The following LCLAT1 variants were observed in gnomAD, a reference collection of about 807,000 sequenced individuals.
LCLAT1 encodes the protein lysocardiolipin acyltransferase 1, also known as 1-AGP acyltransferase 8.
A neutral mutation model predicts 30.7 loss-of-function variants in LCLAT1; 11 were observed. The observed-to-expected ratio is 0.36, with a 90% confidence interval of 0.23 to 0.59. The LOEUF (loss-of-function observed/expected upper bound fraction) is 0.59. Ranked by LOEUF, LCLAT1 falls within the 20% of genes least tolerant of loss-of-function variation. The probability of loss-of-function intolerance (pLI) is 0.77; values close to 1 mark genes in which losing one functional copy is unlikely to be tolerated. For missense variants in LCLAT1, 402 were observed against 458.6 expected (o/e 0.88, Z 1.13); for synonymous variants, 155 against 151.3 (o/e 1.02, Z -0.18).
At position 30,641,191 on chromosome 2, in the gene LCLAT1, A is replaced by G. The variant is rs1226921620; in HGVS notation, c.*572A>G. Reference sequence around the variant, plus strand: ...GACAGGAAGCCCTTCATTATTCATAACATTGTATGCTGACCAAGACGTCAG... The same window carrying G: ...GACAGGAAGCCCTTCATTATTCATAGCATTGTATGCTGACCAAGACGTCAG... On this transcript the variant is annotated 3_prime_UTR_variant, in exon 6 of 6. Coordinates refer to ENST00000379509, the MANE Select transcript of LCLAT1 (RefSeq NM_001002257.3). 1 of 152,584 alleles carries G rather than the reference A, an allele frequency of 6.6e-6. No homozygotes were observed. Among genetic ancestry groups the G allele is most frequent in the Admixed American group, 6.5e-5 (1 of 15,284 alleles). The allele number at this position is 152,584 out of a possible 1,614,324, so 9.5% of individuals were successfully genotyped here.
intron 1 of LCLAT1, among the ~76,000 whole-genome samples, chr2:30,516,972 C>T (rs113720532): frequency 0.012 from 1,870 of 152,252 alleles, 30 homozygotes; most frequent in African/African-American, 0.042. Flanking sequence ...AAGCTGAGGG[C>T]CGACTAGAAG....
In LCLAT1 at chr2:30,522,891, G is replaced by A. The variant is rs536491036; in HGVS notation, c.-4-2696G>A. Among the ~76,000 whole-genome samples, 5 of 152,332 alleles carry A rather than the reference G, an allele frequency of 3.3e-5. No homozygotes were observed. The South Asian group carries it at 1.0e-3, about 32-fold the overall frequency. ...TTTGATGCTACTAATTTGTTGTGTGGATTTAGGAAAGTCTTCTTAACTCTC... is the reference window on the plus strand; with the variant it reads ...TTTGATGCTACTAATTTGTTGTGTGAATTTAGGAAAGTCTTCTTAACTCTC... On this transcript the variant is annotated intron_variant, in intron 1 of 5. Transcript: ENST00000379509.
At chr2:30,532,405 C>G (rs1215640321) in intron 2 of LCLAT1, among the ~76,000 whole-genome samples, 2 of 152,002 alleles carry the variant, frequency 1.3e-5, no homozygotes, top group Non-Finnish European at 2.9e-5. Context: ...ATTGAGAATT[C>G]AAAGAAGAGT....
intron 3 of LCLAT1, among the ~76,000 whole-genome samples, chr2:30,560,990 G>A (rs1047478212): frequency 6.6e-5 from 10 of 150,912 alleles, no homozygotes; most frequent in African/African-American, 2.4e-4. Context: ...TGCCCAGGCT[G>A]GAGTGCAATG....
intron 5 of LCLAT1, among the ~76,000 whole-genome samples, chr2:30,619,535 T>A (rs1265226913): frequency 2.0e-5 from 3 of 152,232 alleles, no homozygotes; most frequent in Non-Finnish European, 1.5e-5. Flanking sequence ...GATACTTTAC[T>A]CATGCACCTA....
chr2:30,547,184 T>G (rs1415933904), intron 3 of LCLAT1, among the ~76,000 whole-genome samples: 4 of 152,186 alleles, frequency 2.6e-5, no homozygotes, highest in Non-Finnish European at 5.9e-5. Flanking sequence ...AAGCTCCACC[T>G]GTGACTCTTT....
intron 5 of LCLAT1, among the ~76,000 whole-genome samples, chr2:30,609,175 T>A (rs1001194337): frequency 2.6e-5 from 4 of 152,160 alleles, no homozygotes; most frequent in Admixed American, 2.6e-4. Context: ...CTAGATATAA[T>A]CCCTTGTTGA....
intron 3 of LCLAT1, among the ~76,000 whole-genome samples, chr2:30,536,272 A>C (rs1225468633): frequency 6.6e-6 from 1 of 152,204 alleles, no homozygotes; most frequent in Non-Finnish European, 1.5e-5. Context: ...TAATATGGAC[A>C]TCCAGATACA....
chr2:30,589,526 T>C (rs938028732), intron 5 of LCLAT1, among the ~76,000 whole-genome samples: 4 of 152,038 alleles, frequency 2.6e-5, no homozygotes, highest in Admixed American at 2.0e-4. Context: ...GACACTTGCC[T>C]ACTGAAAATG....
chr2:30,588,560 T>A (rs1666544157), intron 5 of LCLAT1, among the ~76,000 whole-genome samples: 1 of 152,142 alleles, frequency 6.6e-6, no homozygotes, highest in Non-Finnish European at 1.5e-5. Context: ...CTTAGTTTTG[T>A]TTTTGTTATT....
chr2:30,541,669 T>C (rs1051557012), intron 3 of LCLAT1, among the ~76,000 whole-genome samples: 2 of 152,232 alleles, frequency 1.3e-5, no homozygotes, highest in Admixed American at 6.5e-5. Context: ...ATGTATTACT[T>C]ACATTCAATA....
At chr2:30,482,500 G>A (rs956036660) in intron 1 of LCLAT1, among the ~76,000 whole-genome samples, 6 of 152,118 alleles carry the variant, frequency 3.9e-5, no homozygotes, top group African/African-American at 1.2e-4. Flanking sequence ...AAGTTAATAC[G>A]TAACTTCCTT....
chr2:30,563,932 G>T (rs969202335), intron 4 of LCLAT1, among the ~76,000 whole-genome samples: 4 of 152,154 alleles, frequency 2.6e-5, no homozygotes, highest in African/African-American at 9.7e-5. Flanking sequence ...TAAATGAACG[G>T]TGGCACTTTT....
At chr2:30,556,307 C>T (rs1219738882) in intron 3 of LCLAT1, among the ~76,000 whole-genome samples, 5 of 152,062 alleles carry the variant, frequency 3.3e-5, no homozygotes, top group Non-Finnish European at 7.3e-5. Flanking sequence ...ATAAAACATT[C>T]TTCTTGTGGG....
chr2:30,495,606 G>A (rs947470417), intron 1 of LCLAT1, among the ~76,000 whole-genome samples: 1 of 152,182 alleles, frequency 6.6e-6, no homozygotes, highest in Non-Finnish European at 1.5e-5. Flanking sequence ...AATGCTCTTA[G>A]AGGGGTAGTG....
intron 1 of LCLAT1, among the ~76,000 whole-genome samples, chr2:30,481,197 G>A (rs555060522): frequency 3.3e-5 from 5 of 152,276 alleles, no homozygotes; most frequent in East Asian, 3.9e-4. Context: ...GTGGTAATTC[G>A]ATTTTTACTC....
At chr2:30,524,449 C>A (rs1361728011) in intron 1 of LCLAT1, among the ~76,000 whole-genome samples, 1 of 152,196 alleles carries the variant, frequency 6.6e-6, no homozygotes, top group African/African-American at 2.4e-5. Context: ...CCCTCCTTAA[C>A]CACAGTTTTG....
At chr2:30,558,428 C>T (rs534649284) in intron 3 of LCLAT1, among the ~76,000 whole-genome samples, 3 of 151,922 alleles carry the variant, frequency 2.0e-5, no homozygotes, top group South Asian at 2.1e-4. Flanking sequence ...GGCAAAACCC[C>T]GTCTCTACTA....
At chr2:30,551,451 A>G (rs1349847324) in intron 3 of LCLAT1, among the ~76,000 whole-genome samples, 1 of 152,326 alleles carries the variant, frequency 6.6e-6, no homozygotes, top group East Asian at 1.9e-4. Flanking sequence ...GCATTTCGCT[A>G]AGGAGCCCTA....
Sources: allele counts gnomAD v4.1 joint callset (sites outside exome capture counted in the v4.1 genomes callset), GRCh38; gene constraint gnomAD v4.1.1; transcripts MANE v1.5; gene names NCBI Gene and HGNC (gene_info 2026-07-23, HGNC 2026-07-21).